Variants in CPZ observed in about 807,000 individuals in gnomAD.
CPZ encodes the protein VEZT/CPZ fusion.
In CPZ, 103 loss-of-function variants were observed where a neutral mutation model predicts 61.8. The ratio of observed to expected loss-of-function variants is 1.67; its 90% confidence interval spans 1.42 to 1.96. The LOEUF (loss-of-function observed/expected upper bound fraction) is 1.96. Among genes scored for constraint, CPZ ranks in the 30% most tolerant of loss-of-function variants. CPZ has a pLI of 0.00. For missense variants in CPZ, 1,461 were observed against 914.9 expected, an observed-to-expected ratio of 1.60 and a Z score of -7.70; for synonymous variants, 551 against 373.7, an observed-to-expected ratio of 1.47 and a Z score of -5.47.
chr4:8,611,727 C>T (rs189548534), intron 7 of CPZ, among the ~76,000 whole-genome samples: 23 of 152,164 alleles, frequency 1.5e-4, no homozygotes, highest in Admixed American at 1.0e-3. Context: ...TGTGTAACCT[C>T]AGGAGAGAAA....
chr4:8,616,421 G>A (rs1307485587), intron 9 of CPZ, among the ~76,000 whole-genome samples: 1 of 152,168 alleles, frequency 6.6e-6, no homozygotes, highest in Admixed American at 6.5e-5. Context: ...AGGGCCTCCT[G>A]TAAGAGACCC....
At chr4:8,594,255 C>T (rs1223397445) in intron 1 of CPZ, among the ~76,000 whole-genome samples, 1 of 152,166 alleles carries the variant, frequency 6.6e-6, no homozygotes, top group East Asian at 1.9e-4. Context: ...GTTTCCAGCC[C>T]ACAGGCAGAA....
At chr4:8,600,958 C>T (rs908728078) in intron 2 of CPZ, 165 bp from the exon 3 acceptor site, 1 of 1,375,736 alleles carries the variant, frequency 7.3e-7, no homozygotes, top group Non-Finnish European at 9.3e-7. Context: ...CTCTCACAGG[C>T]TCTGATTCCT....
intron 1 of CPZ, among the ~76,000 whole-genome samples, chr4:8,596,082 C>T (rs1430365951): frequency 6.6e-6 from 1 of 150,524 alleles, no homozygotes; most frequent in Non-Finnish European, 1.5e-5. Flanking sequence ...AAGATAGAGT[C>T]TCTCTGTCAC....
At position 8,603,992 on chromosome 4, in the gene CPZ, C is replaced by T. The variant is rs146764659; in HGVS notation, c.513C>T (p.Asp171=). The change falls in exon 4 of 11, where the codon GAC becomes GAT. Residue 171 remains aspartate (D), a synonymous_variant. Transcript: ENST00000360986. ...LEKLRGGLEA[D]EALPSGLPPT... ...CTCCCCCAGGAGGCCTGGAGGCTGA[C>T]GAGGCACTGCCCTCAGGGCTGCCGC... 38 of 1,611,964 alleles carry T rather than the reference C, an allele frequency of 2.4e-5. No individual in the cohort carries two copies. Among genetic ancestry groups the T allele is most frequent in the Middle Eastern group, 1.6e-4 (1 of 6,074 alleles).
chr4:8,609,213 CATT>C (rs1560298179), intron 7 of CPZ, among the ~76,000 whole-genome samples: 3 of 47,412 alleles, frequency 6.3e-5, no homozygotes, highest in Non-Finnish European at 1.6e-4. Context: ...CTCACTTACT[CATT>C]CACTTACTCA....
intron 1 of CPZ, among the ~76,000 whole-genome samples, chr4:8,593,913 G>A (rs1434598897): frequency 6.6e-6 from 1 of 152,192 alleles, no homozygotes; most frequent in Non-Finnish European, 1.5e-5. Context: ...GTGCAGGTGG[G>A]GTGCTGCTGG....
intron 7 of CPZ, among the ~76,000 whole-genome samples, chr4:8,611,446 G>A (rs1715671202): frequency 6.6e-6 from 1 of 152,154 alleles, no homozygotes. Context: ...CCTGTGAGCT[G>A]TGTTCTGTCC....
rs757179603 is a variant in CPZ at position 8,601,162 on chromosome 4, C to T, written c.161C>T (p.Ala54Val). The change falls in exon 3 of 11, where the codon GCC (alanine) becomes GTC (valine). Residue 54 changes from alanine (A) to valine (V), a missense_variant. Physicochemically the swap from Ala to Val is moderately conservative, Grantham distance 64. Transcript: ENST00000360986. The stretch of plus-strand genomic sequence containing the variant: ...CTGCAGCTCAGGACCTGCAGCGATG[C>T]CGCCTACAACCACACCACCTTCCCC... ...VDLQLRTCSD[A>V]AYNHTTFPNL... The T allele has an allele frequency of 1.3e-6, 2 of 1,598,054 alleles. No homozygotes were observed. The highest frequency in any genetic ancestry group is 2.2e-5 in the South Asian group (2 of 89,666).
intron 1 of CPZ, among the ~76,000 whole-genome samples, chr4:8,594,957 A>G (rs1231232645): frequency 1.3e-5 from 2 of 152,148 alleles, no homozygotes; most frequent in South Asian, 4.1e-4. Context: ...TAGTTTTAGT[A>G]GAGACAGGGT....
chr4:8,616,011 C>T (rs891376344), intron 9 of CPZ, among the ~76,000 whole-genome samples: 3 of 152,196 alleles, frequency 2.0e-5, no homozygotes, highest in African/African-American at 4.8e-5. Context: ...TTGCATTTTG[C>T]GGCTGTCTGA....
intron 7 of CPZ, among the ~76,000 whole-genome samples, chr4:8,610,331 G>T (rs58823029): frequency 2.0e-5 from 3 of 152,204 alleles, no homozygotes; most frequent in African/African-American, 7.2e-5. Context: ...AGCCAGATCT[G>T]GGCCCCTGCA....
Position 8,619,337 on chromosome 4 carries a change from A to C in CPZ, c.1679A>C (p.Lys560Thr), listed in dbSNP as rs367660703. Residue 560 changes from lysine to threonine, a missense_variant, in exon 11 of 11, where the codon AAA becomes ACA. Lys to Thr is a moderately conservative substitution (Grantham distance 78). Transcript: ENST00000360986. ...ATTGCCCAAGCCCCTGGCTACGCCA[A>C]AGTCATCAAGAAAGTCATCATCCCC... ...IVIAQAPGYA[K>T]VIKKVIIPAR... 3 of 1,614,022 alleles carry C rather than the reference A, an allele frequency of 1.9e-6. No homozygotes were observed. The highest frequency in any genetic ancestry group is 2.5e-6 in the Non-Finnish European group (3 of 1,180,002).
intron 9 of CPZ, 126 bp from the exon 10 acceptor site, chr4:8,618,303 G>T: frequency 1.3e-6 from 1 of 777,440 alleles, no homozygotes; most frequent in South Asian, 1.7e-5. Context: ...CTGGCAGAGT[G>T]GGGCTCTGTG....
chr4:8,604,695 C>G (rs1347814764), intron 4 of CPZ, among the ~76,000 whole-genome samples: 1 of 152,188 alleles, frequency 6.6e-6, no homozygotes, highest in East Asian at 1.9e-4. Context: ...GTTGGCCAGG[C>G]TAGTCTCGAA....
rs770337063 is a variant in CPZ at position 8,619,522 on chromosome 4, C to A, written c.1864C>A (p.Arg622Ser). Residue 622 changes from arginine to serine, a missense_variant, in exon 11 of 11, where the codon CGC (arginine) becomes AGC (serine). By Grantham distance (110) the Arg-to-Ser change is moderately radical. Coordinates refer to ENST00000360986, the MANE Select transcript of CPZ (RefSeq NM_001014447.3). The part of the protein sequence containing the change: ...EATEPDPLRA[R>S]RQPSADGSKP... ...CACGGAGCCCGACCCGCTCCGGGCGCGCAGGCAGCCCTCGGCCGACGGGAG... is the reference window on the plus strand; with the variant it reads ...CACGGAGCCCGACCCGCTCCGGGCGAGCAGGCAGCCCTCGGCCGACGGGAG... 1.9e-6 allele frequency: 3 copies of A among 1,592,686 alleles called. No individual in the cohort carries two copies. In the African/African-American group the frequency reaches 4.0e-5, roughly 21 times the overall value.
intron 1 of CPZ, among the ~76,000 whole-genome samples, chr4:8,596,438 G>T (rs1241186770): frequency 6.6e-6 from 1 of 152,228 alleles, no homozygotes; most frequent in Non-Finnish European, 1.5e-5. Context: ...GCACATGGCG[G>T]CCAGTGGAAG....
intron 9 of CPZ, chr4:8,618,140 T>C (rs1560305619): frequency 4.8e-6 from 2 of 415,724 alleles, no homozygotes; most frequent in Non-Finnish European, 8.8e-6. Context: ...GAAAGGGTTC[T>C]CTGCTCAATG....
chr4:8,619,683 T>C lies in CPZ; in HGVS notation c.*66T>C, dbSNP rs1716525914. On this transcript the variant is annotated 3_prime_UTR_variant, in exon 11 of 11. Coordinates refer to ENST00000360986, the MANE Select transcript of CPZ (RefSeq NM_001014447.3). ...CATCTCCGCATCCCGGGCTCCTGGC[T>C]CTTGATTTTGTCTGCCACAGACATC... is the stretch of plus-strand genomic sequence containing the variant. The C allele has an allele frequency of 7.8e-7, 1 of 1,276,054 alleles. No homozygotes were observed. The allele number at this position is 1,276,054 out of a possible 1,614,324, so 79.0% of individuals were successfully genotyped here.
Sources: allele counts gnomAD v4.1 joint callset (sites outside exome capture counted in the v4.1 genomes callset), GRCh38; gene constraint gnomAD v4.1.1; transcripts MANE v1.5; gene names NCBI Gene and HGNC (gene_info 2026-07-23, HGNC 2026-07-21).